The following PKNOX1 variants were observed in gnomAD, a reference collection of about 807,000 sequenced individuals.
PKNOX1 encodes PBX/knotted 1 homeobox 1.
In PKNOX1, 15 loss-of-function variants were observed where a neutral mutation model predicts 51.9. That is an observed-to-expected ratio of 0.29 (90% CI 0.19 to 0.45). The LOEUF (loss-of-function observed/expected upper bound fraction) is 0.45. PKNOX1 is among the 20% of genes least tolerant of loss of function. The probability of loss-of-function intolerance (pLI) is 1.00; values close to 1 mark genes in which losing one functional copy is unlikely to be tolerated. For missense variants in PKNOX1, 462 were observed against 547.5 expected (o/e 0.84, Z 1.56); for synonymous variants, 219 against 211.1 (o/e 1.04, Z -0.32).
intron 6 of PKNOX1, 86 bp from the exon 7 acceptor site, chr21:43,018,047 C>CA (rs60175567): frequency 0.16 from 42,397 of 273,112 alleles, 2,168 homozygotes; most frequent in African/African-American, 0.17. Context: ...CCTGTCTCTA[C>CA]AAAAAAAAAA....
In PKNOX1 at chr21:43,031,944, C is replaced by T. The variant is rs1980289889; in HGVS notation, c.*1843C>T. The T allele has an allele frequency of 3.4e-5, 10 of 293,444 alleles. No individual in the cohort carries two copies. Among genetic ancestry groups the T allele is most frequent in the South Asian group, 2.9e-4 (10 of 34,078 alleles). 18.2% of individuals were successfully genotyped at this position (293,444 alleles called of 1,614,324 possible). ...TGGTGCAATCTCAGCTCACTGCAAC[C>T]TCCACCTCTTATGTTCAAGCAATTC... On this transcript the variant is annotated 3_prime_UTR_variant, in exon 11 of 11. Coordinates refer to ENST00000291547, the MANE Select transcript of PKNOX1 (RefSeq NM_004571.5).
chr21:43,022,895 G>A (rs1979825162), intron 8 of PKNOX1, among the ~76,000 whole-genome samples: 1 of 152,134 alleles, frequency 6.6e-6, no homozygotes. Flanking sequence ...CACACATTGC[G>A]ATTATTACAG....
rs1980311226 is a variant in PKNOX1, at chr21:43,032,339, G to GTCCCTCACCACCCTCCGTCTCTTC, written c.*2238_*2239insTCCCTCACCACCCTCCGTCTCTTC. ...TTCCCTCACCACCCTCCGTCTCTTC[G>GTCCCTCACCACCCTCCGTCTCTTC]GCTGCTTGCTCTTTAGTGTAGATTA... is the stretch of plus-strand genomic sequence containing the variant. On this transcript the variant is annotated 3_prime_UTR_variant, in exon 11 of 11. Coordinates refer to ENST00000291547, the MANE Select transcript of PKNOX1 (RefSeq NM_004571.5). The GTCCCTCACCACCCTCCGTCTCTTC allele has an allele frequency of 1.8e-5, 7 of 396,840 alleles. 1 individual carries two copies. The highest frequency in any genetic ancestry group is 2.0e-5 in the Non-Finnish European group (4 of 195,168). The allele number at this position is 396,840 out of a possible 1,614,324, so 24.6% of individuals were successfully genotyped here.
chr21:43,009,757 AATAT>A (rs1175824748), intron 3 of PKNOX1, among the ~76,000 whole-genome samples: 1 of 152,172 alleles, frequency 6.6e-6, no homozygotes, highest in Non-Finnish European at 1.5e-5. Context: ...AGGAGAGGCA[AATAT>A]ATAGAGATAG....
At chr21:42,994,922 T>TC (rs1978426658) in intron 1 of PKNOX1, among the ~76,000 whole-genome samples, 1 of 142,066 alleles carries the variant, frequency 7.0e-6, no homozygotes, top group Non-Finnish European at 1.5e-5. Flanking sequence ...TTTCTTCTTT[T>TC]TTTTTTTTTT....
At chr21:42,981,615 A>G (rs931279030) in intron 1 of PKNOX1, among the ~76,000 whole-genome samples, 4 of 152,150 alleles carry the variant, frequency 2.6e-5, no homozygotes, top group Non-Finnish European at 4.4e-5. Context: ...GCTGGAGTGC[A>G]GTGGCACGAT....
At chr21:42,992,962 C>G (rs930587351) in intron 1 of PKNOX1, among the ~76,000 whole-genome samples, 3 of 145,692 alleles carry the variant, frequency 2.1e-5, no homozygotes, top group Non-Finnish European at 4.5e-5. Context: ...GGGGCTTTCT[C>G]ATAGCAGTGT....
chr21:43,018,581 G>C (rs1979617841), intron 7 of PKNOX1, among the ~76,000 whole-genome samples: 1 of 147,502 alleles, frequency 6.8e-6, no homozygotes, highest in Non-Finnish European at 1.5e-5. Flanking sequence ...CAGAGGTCTT[G>C]TAGGCACACA....
intron 1 of PKNOX1, among the ~76,000 whole-genome samples, chr21:42,981,441 T>A (rs2059025154): frequency 6.6e-6 from 1 of 152,260 alleles, no homozygotes. Context: ...TCAGTCAACG[T>A]GTTGTCTGGC....
intron 5 of PKNOX1, 33 bp downstream of exon 5, chr21:43,013,271 C>G: frequency 6.6e-7 from 1 of 1,504,406 alleles, no homozygotes. Context: ...CTTTCCCTCT[C>G]TGCCACTGTG....
chr21:43,001,270 C>T (rs1469883684), intron 1 of PKNOX1, among the ~76,000 whole-genome samples: 1 of 152,226 alleles, frequency 6.6e-6, no homozygotes, highest in Non-Finnish European at 1.5e-5. Flanking sequence ...GGTTTCCAGC[C>T]TTTTCTGTTA....
chr21:43,004,048 A>G (rs553897288), intron 1 of PKNOX1: 32 of 191,038 alleles, frequency 1.7e-4, no homozygotes, highest in Non-Finnish European at 3.4e-4. Flanking sequence ...GACCAGCCTG[A>G]CCAACATGGA....
At chr21:42,992,973 CA>C (rs1310798503) in intron 1 of PKNOX1, among the ~76,000 whole-genome samples, 1 of 145,762 alleles carries the variant, frequency 6.9e-6, no homozygotes, top group Non-Finnish European at 1.5e-5. Context: ...ATAGCAGTGT[CA>C]GGGGGGCGTT....
chr21:43,008,745 C>T (rs1979109730), intron 3 of PKNOX1, among the ~76,000 whole-genome samples: 2 of 151,906 alleles, frequency 1.3e-5, no homozygotes, highest in Non-Finnish European at 2.9e-5. Flanking sequence ...TGCCACTGTA[C>T]TCCAGTCTGA....
At chr21:42,994,823 A>C (rs1194642501) in intron 1 of PKNOX1, among the ~76,000 whole-genome samples, 1 of 151,846 alleles carries the variant, frequency 6.6e-6, no homozygotes, top group Non-Finnish European at 1.5e-5. Context: ...CATCTCCTCA[A>C]ATTTCCTTAA....
At chr21:43,019,285 G>A (rs1322226816) in intron 7 of PKNOX1, among the ~76,000 whole-genome samples, 4 of 150,824 alleles carry the variant, frequency 2.7e-5, no homozygotes, top group South Asian at 2.1e-4. Context: ...CCAGCTGCTC[G>A]GGAGGCTGAG....
chr21:43,012,086 C>G (rs1345516557), intron 4 of PKNOX1, among the ~76,000 whole-genome samples: 1 of 152,170 alleles, frequency 6.6e-6, no homozygotes, highest in African/African-American at 2.4e-5. Context: ...CTGAGTGATT[C>G]ATTTATTCAC....
chr21:42,984,714 G>A (rs764716860), intron 1 of PKNOX1, among the ~76,000 whole-genome samples: 6 of 151,908 alleles, frequency 3.9e-5, no homozygotes, highest in Admixed American at 6.6e-5. Context: ...ATTATTTTAC[G>A]GCCATGCTCT....
chr21:42,978,547 G>A (rs1265484543), intron 1 of PKNOX1, among the ~76,000 whole-genome samples: 6 of 147,468 alleles, frequency 4.1e-5, no homozygotes, highest in African/African-American at 1.5e-4. Context: ...GCAGTGGCGC[G>A]ATCTTGGCTC....
Sources: allele counts gnomAD v4.1 joint callset (sites outside exome capture counted in the v4.1 genomes callset), GRCh38; gene constraint gnomAD v4.1.1; transcripts MANE v1.5; gene names NCBI Gene and HGNC (gene_info 2026-07-23, HGNC 2026-07-21).